The following ATP6V1E2 variants were observed in gnomAD, a reference collection of about 807,000 sequenced individuals.
ATP6V1E2 encodes the protein V-type proton ATPase subunit E 2.
For missense variants in ATP6V1E2, 308 were observed against 273.3 expected, an observed-to-expected ratio of 1.13 and a Z score of -0.90; for synonymous variants, 121 against 104.2, an observed-to-expected ratio of 1.16 and a Z score of -0.98.
At chr2:46,527,383 G>A (rs1201981180) in intron 4 of ATP6V1E2, among the ~76,000 whole-genome samples, 5 of 152,018 alleles carry the variant, frequency 3.3e-5, no homozygotes, top group East Asian at 1.9e-4. Flanking sequence ...CACCATGCCC[G>A]GCTAATTTTT....
chr2:46,521,840 G>A (rs1666642674), intron 4 of ATP6V1E2, among the ~76,000 whole-genome samples: 1 of 152,040 alleles, frequency 6.6e-6, no homozygotes, highest in Non-Finnish European at 1.5e-5. Context: ...ACAGGTGCAT[G>A]CCACCACACC....
chr2:46,541,093 C>T (rs928866818), intron 2 of ATP6V1E2, among the ~76,000 whole-genome samples: 1 of 152,192 alleles, frequency 6.6e-6, no homozygotes. Flanking sequence ...GATAGACCCT[C>T]CTTTCAGGAC....
In ATP6V1E2 at chr2:46,512,716, G is replaced by T. The variant is rs1687530429; in HGVS notation, c.-5C>A. 6.2e-7 allele frequency: 1 copy of T among 1,603,862 alleles called. No individual in the cohort carries two copies. The highest frequency in any genetic ancestry group is 8.5e-7 in the Non-Finnish European group (1 of 1,175,580). On this transcript the variant is annotated 5_prime_UTR_variant, in exon 5 of 5. Transcript: ENST00000522587. ...ATCGACATCACTCAGGGCCATGGCT[G>T]CTCTCAGAGGGGACGGCAGAGAGGG...
chr2:46,524,084 T>A (rs1026748012), intron 4 of ATP6V1E2, among the ~76,000 whole-genome samples: 1 of 151,160 alleles, frequency 6.6e-6, no homozygotes, highest in Non-Finnish European at 1.5e-5. Context: ...TGATTTTGTA[T>A]CCTGAGATTT....
chr2:46,524,581 G>C (rs1202022583), intron 4 of ATP6V1E2, among the ~76,000 whole-genome samples: 1 of 152,184 alleles, frequency 6.6e-6, no homozygotes, highest in African/African-American at 2.4e-5. Context: ...AAATGGGATG[G>C]GATAAGGGGC....
At chr2:46,538,504 A>G (rs966583617) in intron 2 of ATP6V1E2, among the ~76,000 whole-genome samples, 2 of 151,380 alleles carry the variant, frequency 1.3e-5, no homozygotes, top group Non-Finnish European at 1.5e-5. Context: ...CAAAAAAAAA[A>G]GGGGAAGATT....
intron 4 of ATP6V1E2, among the ~76,000 whole-genome samples, chr2:46,522,337 C>A (rs1452753377): frequency 1.3e-5 from 2 of 151,294 alleles, no homozygotes; most frequent in East Asian, 3.9e-4. Flanking sequence ...CACAGGTATA[C>A]GTGTGTCATA....
intron 2 of ATP6V1E2, among the ~76,000 whole-genome samples, chr2:46,538,085 G>A (rs1388671653): frequency 6.6e-6 from 1 of 152,040 alleles, no homozygotes; most frequent in Non-Finnish European, 1.5e-5. Context: ...CTGCTACCAA[G>A]CCCTGTGGAT....
intron 4 of ATP6V1E2, among the ~76,000 whole-genome samples, chr2:46,515,643 G>C (rs1175564087): frequency 6.6e-6 from 1 of 152,082 alleles, no homozygotes; most frequent in Non-Finnish European, 1.5e-5. Context: ...AAAAACAACA[G>C]TTAACAAATA....
intron 4 of ATP6V1E2, among the ~76,000 whole-genome samples, chr2:46,522,629 T>A (rs1223788634): frequency 2.6e-5 from 4 of 152,234 alleles, no homozygotes; most frequent in African/African-American, 9.6e-5. Flanking sequence ...ATTTTCTTTA[T>A]CCAATCTATC....
In ATP6V1E2 at chr2:46,512,696, C is replaced by T. The variant is rs764716995; in HGVS notation, c.16G>A (p.Val6Ile). 14 of 1,612,476 alleles carry T rather than the reference C, an allele frequency of 8.7e-6. No individual in the cohort carries two copies. In the Admixed American group the frequency reaches 2.0e-4, roughly 23 times the overall value. ...TGCTTAATCTGCTTTTTCACATCGA[C>T]ATCACTCAGGGCCATGGCTGCTCTC... Reference protein sequence around the residue: MALSDVDVKKQIKHMM... With the variant: MALSDIDVKKQIKHMM... The change falls in exon 5 of 5, where the codon GTC becomes ATC. Residue 6 changes from valine (V) to isoleucine (I), a missense_variant. Transcript: ENST00000522587.
At chr2:46,513,668 CA>C (rs1379931905) in intron 4 of ATP6V1E2, among the ~76,000 whole-genome samples, 1 of 151,318 alleles carries the variant, frequency 6.6e-6, no homozygotes, top group Non-Finnish European at 1.5e-5. Context: ...TACTAAAATA[CA>C]AAAAAATTAG....
chr2:46,526,639 T>C (rs181547734), intron 4 of ATP6V1E2, among the ~76,000 whole-genome samples: 2 of 152,358 alleles, frequency 1.3e-5, no homozygotes, highest in Admixed American at 6.5e-5. Context: ...TCATAATATT[T>C]GTCCTTCCTT....
chr2:46,538,668 T>G (rs68065995), intron 2 of ATP6V1E2, among the ~76,000 whole-genome samples: 48,359 of 151,818 alleles, frequency 0.32, 7,987 homozygotes, highest in African/African-American at 0.36. Flanking sequence ...TCTCTCTCTT[T>G]GCTTCTCTCT....
intron 4 of ATP6V1E2, among the ~76,000 whole-genome samples, chr2:46,524,046 G>T (rs748234047): frequency 6.6e-6 from 1 of 152,122 alleles, no homozygotes; most frequent in Non-Finnish European, 1.5e-5. Flanking sequence ...TATTGTTAGT[G>T]TAAAGGAATA....
intron 4 of ATP6V1E2, among the ~76,000 whole-genome samples, chr2:46,526,322 C>A (rs1666918343): frequency 1.3e-5 from 2 of 152,102 alleles, no homozygotes; most frequent in African/African-American, 4.8e-5. Context: ...ACCATGTTAG[C>A]CAGACTGGTC....
intron 4 of ATP6V1E2, among the ~76,000 whole-genome samples, chr2:46,514,310 A>G (rs146388709): frequency 1.3e-5 from 2 of 152,146 alleles, no homozygotes; most frequent in African/African-American, 4.8e-5. Flanking sequence ...AGAAAAAAGA[A>G]AAAAGGAAAT....
chr2:46,522,088 G>T (rs952507365), intron 4 of ATP6V1E2, among the ~76,000 whole-genome samples: 1 of 151,998 alleles, frequency 6.6e-6, no homozygotes, highest in Non-Finnish European at 1.5e-5. Context: ...GAGCCCAGGA[G>T]TTCACAGTGG....
chr2:46,513,440 G>T (rs1572696130), intron 4 of ATP6V1E2, among the ~76,000 whole-genome samples: 1 of 152,178 alleles, frequency 6.6e-6, no homozygotes. Context: ...GCTCCATTTG[G>T]TCTATAGCGT....
Sources: allele counts gnomAD v4.1 joint callset (sites outside exome capture counted in the v4.1 genomes callset), GRCh38; gene constraint gnomAD v4.1.1; transcripts MANE v1.5; gene names NCBI Gene and HGNC (gene_info 2026-07-23, HGNC 2026-07-21).